Variants in KCNH8 observed in about 807,000 individuals in gnomAD.
KCNH8 encodes voltage-gated delayed rectifier potassium channel KCNH8.
KCNH8 carries 70 observed loss-of-function variants against 103.6 expected under a neutral mutation model. The ratio of observed to expected loss-of-function variants is 0.68; its 90% CI spans 0.56 to 0.82. The LOEUF (loss-of-function observed/expected upper bound fraction) is 0.82, where lower values mean the gene tolerates loss of function less well. KCNH8 is among the 40% of genes least tolerant of loss of function. KCNH8 has a pLI of 0.00. For missense variants in KCNH8, 1,217 were observed against 1,329.9 expected (o/e 0.92, Z 1.32); for synonymous variants, 498 against 489.4 (o/e 1.02, Z -0.23).
At chr3:19,257,468 G>C (rs1198448212) in intron 2 of KCNH8, among the ~76,000 whole-genome samples, 1 of 151,928 alleles carries the variant, frequency 6.6e-6, no homozygotes, top group Non-Finnish European at 1.5e-5. Flanking sequence ...ACTCTAGCTT[G>C]TTGGCTTTAA....
intron 1 of KCNH8, among the ~76,000 whole-genome samples, chr3:19,186,453 A>G (rs141756609): frequency 6.6e-6 from 1 of 152,080 alleles, no homozygotes; most frequent in Non-Finnish European, 1.5e-5. Context: ...GCTTAAGGGC[A>G]CTTTTTCTGG....
intron 11 of KCNH8, among the ~76,000 whole-genome samples, chr3:19,484,364 T>C (rs2068158653): frequency 6.6e-6 from 1 of 152,212 alleles, no homozygotes; most frequent in Non-Finnish European, 1.5e-5. Flanking sequence ...AGTAACCTGA[T>C]GTATACACTA....
At chr3:19,458,138 C>T (rs567357134) in intron 11 of KCNH8, among the ~76,000 whole-genome samples, 61 of 152,090 alleles carry the variant, frequency 4.0e-4, no homozygotes, top group Non-Finnish European at 8.4e-4. Flanking sequence ...TGTATGTTCA[C>T]ACATACTTGC....
At chr3:19,150,406 A>T (rs1285652398) in intron 1 of KCNH8, among the ~76,000 whole-genome samples, 1 of 152,096 alleles carries the variant, frequency 6.6e-6, no homozygotes, top group Non-Finnish European at 1.5e-5. Context: ...TTGATCCTGA[A>T]TTTGTCTATT....
chr3:19,291,247 G>A (rs1164346258), intron 3 of KCNH8, among the ~76,000 whole-genome samples: 1 of 152,024 alleles, frequency 6.6e-6, no homozygotes. Flanking sequence ...ATTTCCTTCA[G>A]TTCTACTCTG....
intron 1 of KCNH8, among the ~76,000 whole-genome samples, chr3:19,221,729 T>G (rs1306069230): frequency 6.6e-6 from 1 of 152,206 alleles, no homozygotes; most frequent in East Asian, 1.9e-4. Flanking sequence ...TAATGTCATT[T>G]GGTGGTTGTT....
Position 19,167,374 on chromosome 3 carries a change from C to T in KCNH8, c.76+18579C>T, listed in dbSNP as rs187826348. ...ATTCAAAACATTTCTTCTTATAAAT[C>T]GAAACATTTGTAAGATTTCCCCCAT... On this transcript the variant is annotated intron_variant, in intron 1 of 15. Coordinates refer to ENST00000328405, the MANE Select transcript of KCNH8 (RefSeq NM_144633.3). 4.6e-5 allele frequency among the ~76,000 whole-genome samples: 7 copies of T among 152,168 alleles called. No homozygotes were observed. The East Asian group carries it at 5.8e-4, about 13-fold the overall frequency.
chr3:19,217,905 C>T (rs1444333641), intron 1 of KCNH8, among the ~76,000 whole-genome samples: 4 of 152,142 alleles, frequency 2.6e-5, no homozygotes, highest in African/African-American at 4.8e-5. Flanking sequence ...TTCCCTTTTG[C>T]ATAAGTCCTA....
intron 3 of KCNH8, among the ~76,000 whole-genome samples, chr3:19,340,477 T>G (rs1188501360): frequency 2.6e-5 from 4 of 152,032 alleles, no homozygotes; most frequent in African/African-American, 9.7e-5. Flanking sequence ...TCATCTAGCA[T>G]TAGGATTCAA....
intron 1 of KCNH8, among the ~76,000 whole-genome samples, chr3:19,212,727 A>G (rs1258071794): frequency 6.6e-6 from 1 of 152,164 alleles, no homozygotes; most frequent in Non-Finnish European, 1.5e-5. Flanking sequence ...TTCAGGAACT[A>G]CCTGGAAAGG....
At chr3:19,345,695 T>C (rs1175061116) in intron 4 of KCNH8, among the ~76,000 whole-genome samples, 2 of 152,040 alleles carry the variant, frequency 1.3e-5, no homozygotes, top group Non-Finnish European at 2.9e-5. Context: ...TTACAAAAGC[T>C]GGTGGAAGAA....
intron 1 of KCNH8, among the ~76,000 whole-genome samples, chr3:19,206,216 C>CCTCAGTTATATATATATATCAAT: frequency 8.0e-6 from 1 of 124,654 alleles, no homozygotes; most frequent in African/African-American, 5.0e-5. Flanking sequence ...TATATACATA[C>CCTCAGTTATATATATATATCAAT]CACAGTTATA....
intron 1 of KCNH8, among the ~76,000 whole-genome samples, chr3:19,198,698 A>G (rs1009649779): frequency 6.6e-6 from 1 of 151,658 alleles, no homozygotes; most frequent in African/African-American, 2.4e-5. Context: ...AACAACCATT[A>G]TAACAACCAG....
intron 3 of KCNH8, among the ~76,000 whole-genome samples, chr3:19,299,902 A>G (rs1046061446): frequency 1.3e-5 from 2 of 152,058 alleles, no homozygotes; most frequent in African/African-American, 4.8e-5. Flanking sequence ...TAGTGCATGA[A>G]TATTATTAAA....
chr3:19,201,421 T>C (rs1396383194), intron 1 of KCNH8, among the ~76,000 whole-genome samples: 1 of 152,042 alleles, frequency 6.6e-6, no homozygotes, highest in East Asian at 1.9e-4. Flanking sequence ...TTATGTGCCA[T>C]TGTGTCATTT....
At chr3:19,265,477 CT>C (rs879361515) in intron 2 of KCNH8, among the ~76,000 whole-genome samples, 2 of 152,032 alleles carry the variant, frequency 1.3e-5, no homozygotes, top group Non-Finnish European at 2.9e-5. Context: ...AATGAATATT[CT>C]TTCCACCCCT....
intron 10 of KCNH8, 42 bp downstream of exon 10, chr3:19,451,446 A>G: frequency 6.3e-7 from 1 of 1,591,460 alleles, no homozygotes; most frequent in Non-Finnish European, 8.6e-7. Flanking sequence ...TTGACTCTGG[A>G]GCATAAATTA....
Position 19,199,198 on chromosome 3 carries a change from G to A in KCNH8, c.76+50403G>A, listed in dbSNP as rs995663568. Among the ~76,000 whole-genome samples the A allele has an allele frequency of 6.6e-5, 10 of 152,194 alleles. 1 individual carries two copies. The South Asian group carries it at 1.9e-3, about 28-fold the overall frequency. The stretch of plus-strand genomic sequence containing the variant: ...CTGATAGTTATTTGTGACTAATCAC[G>A]TTTAAATAAATCATGTTATGTGTTG... On this transcript the variant is annotated intron_variant, in intron 1 of 15. Coordinates refer to ENST00000328405, the MANE Select transcript of KCNH8 (RefSeq NM_144633.3).
At chr3:19,489,309 A>G (rs2068271996) in intron 11 of KCNH8, among the ~76,000 whole-genome samples, 1 of 152,058 alleles carries the variant, frequency 6.6e-6, no homozygotes. Flanking sequence ...TTGGTGCTGA[A>G]TTCCCTCGGT....
Sources: gnomAD v4.1 joint callset for allele counts (sites outside exome capture counted in the v4.1 genomes callset) on GRCh38, gnomAD v4.1.1 for gene constraint, MANE v1.5 for transcripts, NCBI Gene and HGNC (gene_info 2026-07-23, HGNC 2026-07-21) for gene names.